AGO1: variants seen among roughly 807,000 people sequenced by gnomAD.
The protein encoded by AGO1 is protein argonaute-1.
Under a neutral mutation model 109.2 loss-of-function variants are expected in AGO1, and 11 were observed. The observed-to-expected ratio is 0.10, with a 90% CI of 0.06 to 0.17. The LOEUF (loss-of-function observed/expected upper bound fraction) is 0.17, where lower values mean the gene tolerates loss of function less well. AGO1 is among the 10% of genes least tolerant of loss of function. AGO1 has a pLI of 1.00. For synonymous variants in AGO1, 422 were observed against 418.6 expected, an observed-to-expected ratio of 1.01 and a Z score of -0.10; for missense variants, 574 against 1,140.3, an observed-to-expected ratio of 0.50 and a Z score of 7.15.
At chr1:35,898,281 G>C (rs1041556071) in intron 8 of AGO1, among the ~76,000 whole-genome samples, 29 of 150,912 alleles carry the variant, frequency 1.9e-4, no homozygotes, top group African/African-American at 7.1e-4. Context: ...TTTTGAGACG[G>C]AGTATCGCTC....
intron 1 of AGO1, among the ~76,000 whole-genome samples, chr1:35,887,074 T>C (rs1212112290): frequency 6.6e-6 from 1 of 152,182 alleles, no homozygotes; most frequent in Non-Finnish European, 1.5e-5. Context: ...CCCTTCCCCA[T>C]GTAGCTGAGT....
In AGO1 at chr1:35,901,169, C is replaced by T. The variant is rs1645409796; in HGVS notation, c.1021-305C>T. Among the ~76,000 whole-genome samples, 3 of 152,130 alleles carry T rather than the reference C, an allele frequency of 2.0e-5. No homozygotes were observed. In the South Asian group the frequency reaches 6.2e-4, roughly 32 times the overall value. ...CTAATTTTTGTATTTTTAGTAGAGACTGGGTTGGCCAGGCTGGTCTTGAAC... is the reference window on the plus strand; with the variant it reads ...CTAATTTTTGTATTTTTAGTAGAGATTGGGTTGGCCAGGCTGGTCTTGAAC... On this transcript the variant is annotated intron_variant, in intron 8 of 18. Transcript: ENST00000373204. This position sits in a 1 kb window ranked among gnomAD's most constrained non-coding sequence, Gnocchi z 4.8.
intron 1 of AGO1, among the ~76,000 whole-genome samples, chr1:35,872,529 A>G (rs1423064071): frequency 1.3e-5 from 2 of 151,680 alleles, no homozygotes; most frequent in African/African-American, 2.4e-5. Context: ...ATTTTAGCTA[A>G]TGGTTTGAAA....
chr1:35,870,363 C>T (rs1486015347), intron 1 of AGO1, among the ~76,000 whole-genome samples: 1 of 152,030 alleles, frequency 6.6e-6, no homozygotes, highest in Non-Finnish European at 1.5e-5. Context: ...GACCCACTGC[C>T]AGCTCCGCCT....
intron 12 of AGO1, among the ~76,000 whole-genome samples, chr1:35,908,213 C>T (rs1645560532): frequency 6.6e-6 from 1 of 152,220 alleles, no homozygotes; most frequent in African/African-American, 2.4e-5. Context: ...GTCTACCTTT[C>T]TCCTAAATCT....
chr1:35,914,193 T>A lies in AGO1; in HGVS notation c.1752T>A (p.Val584=), dbSNP rs1645692834. The change falls in exon 14 of 19, where the codon GTT becomes GTA. Residue 584 remains valine, a synonymous_variant. Coordinates refer to ENST00000373204, the MANE Select transcript of AGO1 (RefSeq NM_012199.5). ...NILVPHQRSA[V]FQQPVIFLGA... ...TCTCTTCCTTGCTCAGCTCTGCCGT[T>A]TTTCAACAGCCAGTGATATTCCTGG... 2.5e-6 allele frequency: 4 copies of A among 1,614,014 alleles called. No individual in the cohort carries two copies. The highest frequency in any genetic ancestry group is 3.4e-6 in the Non-Finnish European group (4 of 1,180,026).
At chr1:35,915,293 G>A in intron 14 of AGO1, 55 bp from the exon 15 acceptor site, 1 of 1,536,744 alleles carries the variant, frequency 6.5e-7, no homozygotes, top group East Asian at 2.3e-5. Context: ...CAAACCCATA[G>A]CCTGACAGTG....
chr1:35,885,284 T>C (rs908594054), intron 1 of AGO1, among the ~76,000 whole-genome samples: 3 of 152,210 alleles, frequency 2.0e-5, no homozygotes, highest in African/African-American at 4.8e-5. Flanking sequence ...TGGTTGCTGG[T>C]ACCCATTCTA....
At chr1:35,895,576 CTGT>C (rs1645303323) in intron 8 of AGO1, among the ~76,000 whole-genome samples, 1 of 152,176 alleles carries the variant, frequency 6.6e-6, no homozygotes. Context: ...TTCTCTTCCC[CTGT>C]TGTTTAGAGC....
At position 35,917,739 on chromosome 1, in the gene AGO1, A is replaced by G; in HGVS notation, c.2163+12A>G. ...ACAAGAATGAGCGAGTGAGTGAGGG[A>G]CTGAGGCCTCCCATCCCCTCCTTCT... On this transcript the variant is annotated intron_variant, in intron 16 of 18. Coordinates refer to ENST00000373204, the MANE Select transcript of AGO1 (RefSeq NM_012199.5). The G allele has an allele frequency of 6.2e-7, 1 of 1,609,672 alleles. No individual in the cohort carries two copies. Among genetic ancestry groups the G allele is most frequent in the Non-Finnish European group, 8.5e-7 (1 of 1,176,628 alleles).
intron 8 of AGO1, among the ~76,000 whole-genome samples, chr1:35,900,760 A>C (rs1289221546): frequency 1.3e-5 from 2 of 151,494 alleles, no homozygotes; most frequent in Non-Finnish European, 2.9e-5. Context: ...AAGTACAAAA[A>C]TTAGCGAGGC....
chr1:35,912,228 G>A lies in AGO1; in HGVS notation c.1583-1614G>A, dbSNP rs188223311. ...CAAAAAATTAACCGGACATGGTGGC[G>A]GGCACCTGTAGTCCCAGCTACTCAG... On this transcript the variant is annotated intron_variant, in intron 12 of 18. Transcript: ENST00000373204. Among the ~76,000 whole-genome samples the A allele has an allele frequency of 1.1e-4, 16 of 151,962 alleles. No homozygotes were observed. The East Asian group carries it at 2.7e-3, about 26-fold the overall frequency.
At chr1:35,878,730 C>T (rs1645011730), upstream of AGO1, among the ~76,000 whole-genome samples, 1 of 152,206 alleles carries the variant, frequency 6.6e-6, no homozygotes, top group Admixed American at 6.5e-5. Context: ...AAATCACATA[C>T]ATCTCATGAA....
chr1:35,876,518 G>A (rs1453343347), intron 1 of AGO1, among the ~76,000 whole-genome samples: 5 of 151,996 alleles, frequency 3.3e-5, no homozygotes, highest in African/African-American at 7.2e-5. Context: ...CGCCCACCTC[G>A]GCCTCCCAAA....
Position 35,930,005 on chromosome 1 carries a change from G to A in AGO1, c.*10398G>A, listed in dbSNP as rs1646004353. On this transcript the variant is annotated 3_prime_UTR_variant, in exon 19 of 19. Coordinates refer to ENST00000373204, the MANE Select transcript of AGO1 (RefSeq NM_012199.5). The stretch of plus-strand genomic sequence containing the variant: ...CTTTTCCTCTTTAAAAAATTATTTT[G>A]ATTAAAAAAAACCGTATTACTGAAG... 6.6e-6 allele frequency: 1 copy of A among 151,940 alleles called. No homozygotes were observed. The highest frequency in any genetic ancestry group is 1.5e-5 in the Non-Finnish European group (1 of 67,998). The allele number at this position is 151,940 out of a possible 1,614,324, so 9.4% of individuals were successfully genotyped here.
rs1324407912 is a variant in AGO1 at position 35,914,235 on chromosome 1, C to T, written c.1794C>T (p.His598=). ...TATTCCTGGGAGCAGATGTTACACACCCCCCAGCAGGGGATGGGAAAAAAC... is the reference window on the plus strand; with the variant it reads ...TATTCCTGGGAGCAGATGTTACACATCCCCCAGCAGGGGATGGGAAAAAAC... ...PVIFLGADVT[H]PPAGDGKKPS... is the part of the protein sequence containing the mutation. Residue 598 remains histidine (H), a synonymous_variant, in exon 14 of 19, where the codon CAC becomes CAT. Coordinates refer to ENST00000373204, the MANE Select transcript of AGO1 (RefSeq NM_012199.5). 6.2e-6 allele frequency: 10 copies of T among 1,613,790 alleles called. No individual in the cohort carries two copies. The highest frequency in any genetic ancestry group is 1.1e-5 in the South Asian group (1 of 91,066).
rs1645941577 is a variant in AGO1, at chr1:35,926,948, T to TG, written c.*7341_*7342insG. On this transcript the variant is annotated 3_prime_UTR_variant, in exon 19 of 19. Transcript: ENST00000373204. Reference sequence around the variant, plus strand: ...GGCAATGGTTTTTTGTTTGGGGTTTTTTTTTTTTTTTTTTTGGACAAAGTA... The same window carrying TG: ...GGCAATGGTTTTTTGTTTGGGGTTTTGTTTTTTTTTTTTTTTGGACAAAGTA... 6.6e-6 allele frequency: 1 copy of TG among 150,600 alleles called. No individual in the cohort carries two copies. Among genetic ancestry groups the TG allele is most frequent in the African/African-American group, 2.4e-5 (1 of 41,084 alleles). 9.3% of individuals were successfully genotyped at this position (150,600 alleles called of 1,614,324 possible).
chr1:35,915,658 A>G lies in AGO1; in HGVS notation c.2028+116A>G. On this transcript the variant is annotated intron_variant, in intron 15 of 18. Transcript: ENST00000373204. ...GTGTCACTTCTTAGTGAGCTTTGCT[A>G]AATGGAGTAGACTTGGGGGCAAGGA... The G allele has an allele frequency of 3.1e-6, 3 of 980,028 alleles. No homozygotes were observed. In the South Asian group the frequency reaches 4.8e-5, roughly 16 times the overall value. 60.7% of individuals were successfully genotyped at this position (980,028 alleles called of 1,614,324 possible). A position where few individuals can be genotyped will look rare whatever the true frequency, so the allele number is the denominator to read the frequency against.
intron 15 of AGO1, 75 bp downstream of exon 15, chr1:35,915,617 A>G (rs1185988184): frequency 1.2e-5 from 17 of 1,385,222 alleles, no homozygotes; most frequent in East Asian, 2.5e-5. Context: ...TTTCTAAGCT[A>G]TTGGCACTGA....
Sources: allele counts gnomAD v4.1 joint callset (sites outside exome capture counted in the v4.1 genomes callset), GRCh38; gene constraint gnomAD v4.1.1; non-coding constraint Gnocchi (gnomAD v3.1); transcripts MANE v1.5; gene names NCBI Gene and HGNC (gene_info 2026-07-23, HGNC 2026-07-21).